The following INSR variants were observed in gnomAD, a reference collection of about 807,000 sequenced individuals.
INSR encodes IR.
Under a neutral mutation model 142.6 loss-of-function variants are expected in INSR, and 67 were observed. That is an observed-to-expected ratio of 0.47 (90% confidence interval 0.39 to 0.58). INSR has a LOEUF of 0.58. Ranked by LOEUF, INSR falls within the 20% of genes least tolerant of loss-of-function variation. INSR has a pLI of 0.00. For synonymous variants in INSR, 756 were observed against 743.1 expected (o/e 1.02, Z -0.28); for missense variants, 1,248 against 1,833.2 (o/e 0.68, Z 5.83).
chr19:7,154,650 G>A (rs950128524), intron 9 of INSR, among the ~76,000 whole-genome samples: 6 of 151,060 alleles, frequency 4.0e-5, no homozygotes, highest in Admixed American at 2.0e-4. Context: ...GTGGCTGGGC[G>A]CGGTGGCTCA....
intron 2 of INSR, among the ~76,000 whole-genome samples, chr19:7,217,623 G>A (rs116953215): frequency 0.06 from 9,195 of 152,224 alleles, 366 homozygotes; most frequent in Non-Finnish European, 0.084. Context: ...CAGTGGGCAC[G>A]ATCTTGGCTC....
intron 1 of INSR, among the ~76,000 whole-genome samples, chr19:7,286,346 G>A (rs974017026): frequency 6.6e-6 from 1 of 152,074 alleles, no homozygotes; most frequent in African/African-American, 2.4e-5. Context: ...CCCTGGACAT[G>A]AATGGAATGC....
intron 3 of INSR, among the ~76,000 whole-genome samples, chr19:7,182,157 C>T (rs564672007): frequency 6.6e-6 from 1 of 151,624 alleles, no homozygotes; most frequent in African/African-American, 2.4e-5. Context: ...CATGATGAAA[C>T]CCGGTCTCTA....
chr19:7,191,955 A>AG (rs1974603930), intron 2 of INSR, among the ~76,000 whole-genome samples: 2 of 126,282 alleles, frequency 1.6e-5, no homozygotes, highest in Non-Finnish European at 1.8e-5. Flanking sequence ...GGAGAGAGAT[A>AG]AAAAGAAAGA....
chr19:7,207,939 AGGGAAGGAG>A (rs1568486979), intron 2 of INSR, among the ~76,000 whole-genome samples: 16 of 87,040 alleles, frequency 1.8e-4, no homozygotes, highest in African/African-American at 7.2e-4. Flanking sequence ...GAAGGAAGGA[AGGGAAGGAG>A]GGAGGGAGGG....
rs1415586512 is a variant in INSR, at chr19:7,122,989, C to A, written c.3259G>T (p.Val1087Leu). 4 of 1,596,162 alleles carry A rather than the reference C, an allele frequency of 2.5e-6. No homozygotes were observed. The African/African-American group carries it at 4.0e-5, about 16-fold the overall frequency. Residue 1087 changes from valine (V) to leucine (L), a missense_variant and splice_region_variant, in exon 18 of 22, where the codon GTG becomes TTG. Coordinates refer to ENST00000302850, the MANE Select transcript of INSR (RefSeq NM_000208.4). ...VMKGFTCHHV[V>L]RLLGVVSKGQ... is the part of the protein sequence containing the mutation. ...TTGGACACCACTCCCAGGAGGCGCA[C>A]CTGCAGAGCAAGCAACCAGGGTTCT...
intron 2 of INSR, among the ~76,000 whole-genome samples, chr19:7,196,554 C>T (rs2115386): frequency 0.48 from 73,341 of 151,970 alleles, 17,697 homozygotes; most frequent in East Asian, 0.53. Context: ...TCCAGTCACT[C>T]TGACACTTTT....
At position 7,117,181 on chromosome 19, in the gene INSR, C is replaced by T; in HGVS notation, c.4024G>A (p.Gly1342Ser). The T allele has an allele frequency of 6.2e-7, 1 of 1,614,156 alleles. No individual in the cohort carries two copies. Among genetic ancestry groups the T allele is most frequent in the Non-Finnish European group, 8.5e-7 (1 of 1,180,016 alleles). ...SSHCQREEAG[G>S]RDGGSSLGFK... Reference sequence around the variant, plus strand: ...CCCAGCGAGGACCCTCCATCCCGGCCCCCCGCCTCCTCCCTCTGACAGTGC... The same window carrying T: ...CCCAGCGAGGACCCTCCATCCCGGCTCCCCGCCTCCTCCCTCTGACAGTGC... Residue 1342 changes from glycine (G) to serine (S), a missense_variant, in exon 22 of 22, where the codon GGC becomes AGC. By Grantham distance (56) the Gly-to-Ser change is moderately conservative. Transcript: ENST00000302850.
chr19:7,148,775 G>C (rs1973246603), intron 11 of INSR, among the ~76,000 whole-genome samples: 1 of 146,580 alleles, frequency 6.8e-6, no homozygotes, highest in African/African-American at 2.5e-5. Context: ...ACCAAGTCCA[G>C]CTGTGGCCCC....
At chr19:7,275,799 AAAG>A (rs1968048172) in intron 1 of INSR, among the ~76,000 whole-genome samples, 1 of 152,014 alleles carries the variant, frequency 6.6e-6, no homozygotes, top group South Asian at 2.1e-4. Flanking sequence ...AAAAAAAAAA[AAAG>A]AATTCAGTCT....
At chr19:7,193,953 C>A (rs569606350) in intron 2 of INSR, among the ~76,000 whole-genome samples, 1 of 93,444 alleles carries the variant, frequency 1.1e-5, no homozygotes, top group East Asian at 2.9e-4. Flanking sequence ...CCGCTCTCCC[C>A]GAGCTCCCAA....
At chr19:7,175,897 C>T (rs1453452310) in intron 3 of INSR, among the ~76,000 whole-genome samples, 2 of 151,870 alleles carry the variant, frequency 1.3e-5, no homozygotes, top group Non-Finnish European at 2.9e-5. Flanking sequence ...GCCAGATTGT[C>T]CCCAGAAAAG....
intron 1 of INSR, among the ~76,000 whole-genome samples, chr19:7,283,660 G>A (rs539836550): frequency 2.0e-5 from 3 of 152,110 alleles, no homozygotes; most frequent in South Asian, 2.1e-4. Flanking sequence ...GGCTGGTCTC[G>A]AACTCACCAC....
intron 2 of INSR, among the ~76,000 whole-genome samples, chr19:7,217,871 T>C (rs924310793): frequency 3.0e-4 from 45 of 152,252 alleles, no homozygotes; most frequent in Non-Finnish European, 2.8e-4. Flanking sequence ...CTTTTTTTTC[T>C]TTTGTAAAAA....
intron 1 of INSR, among the ~76,000 whole-genome samples, chr19:7,269,697 G>A (rs2145214995): frequency 6.6e-6 from 1 of 151,766 alleles, no homozygotes; most frequent in South Asian, 2.1e-4. Flanking sequence ...CGTGCCATTG[G>A]TGCCTCCCAG....
At chr19:7,275,896 T>C (rs1968051200) in intron 1 of INSR, among the ~76,000 whole-genome samples, 2 of 152,018 alleles carry the variant, frequency 1.3e-5, no homozygotes, top group Non-Finnish European at 2.9e-5. Context: ...AGTATTTCCA[T>C]CAAAGCAGAG....
intron 9 of INSR, among the ~76,000 whole-genome samples, chr19:7,158,758 T>C (rs1056697922): frequency 1.3e-5 from 2 of 152,162 alleles, no homozygotes; most frequent in African/African-American, 4.8e-5. Flanking sequence ...ATAAATTGTA[T>C]GTGATGTATA....
In INSR at chr19:7,180,529, C is replaced by CA. The variant is rs57184012; in HGVS notation, c.974+3786dup. Among the ~76,000 whole-genome samples, 127 of 91,850 alleles carry CA rather than the reference C, an allele frequency of 1.4e-3. 3 individuals are homozygous for CA. The highest frequency in any genetic ancestry group is 6.4e-3 in the East Asian group (22 of 3,436). The allele number at this position is 91,850 out of a possible 152,430, so 60.3% of individuals were successfully genotyped here. ...TGGGTGACAGACCAAGACCTTGTCT[C>CA]AAAAAAAAAAAAAAAAGACAAAAAT... On this transcript the variant is annotated intron_variant, in intron 3 of 21. Transcript: ENST00000302850.
intron 17 of INSR, among the ~76,000 whole-genome samples, chr19:7,123,380 GCT>G (rs2144807194): frequency 6.6e-6 from 1 of 151,756 alleles, no homozygotes; most frequent in African/African-American, 2.4e-5. Context: ...TGTTGGTCAG[GCT>G]GGTCTTGAAC....
Sources: gnomAD v4.1 joint callset for allele counts (sites outside exome capture counted in the v4.1 genomes callset) on GRCh38, gnomAD v4.1.1 for gene constraint, MANE v1.5 for transcripts, NCBI Gene and HGNC (gene_info 2026-07-23, HGNC 2026-07-21) for gene names.